Variants in ACMSD observed in about 807,000 individuals in gnomAD.
ACMSD encodes aminocarboxymuconate semialdehyde decarboxylase.
A neutral mutation model predicts 45.9 loss-of-function variants in ACMSD; 37 were observed. The observed-to-expected ratio is 0.81, with a 90% confidence interval of 0.62 to 1.06. The LOEUF is 1.06. Ranked by LOEUF, ACMSD falls within the 50% of genes least tolerant of loss-of-function variation. The pLI, the probability that ACMSD is intolerant of heterozygous loss-of-function variation, is 0.00. For synonymous variants in ACMSD, 138 were observed against 148.8 expected (o/e 0.93, Z 0.53); for missense variants, 434 against 420.9 (o/e 1.03, Z -0.27).
At chr2:134,844,962 T>A (rs1399225130) in intron 1 of ACMSD, among the ~76,000 whole-genome samples, 1 of 152,202 alleles carries the variant, frequency 6.6e-6, no homozygotes, top group Non-Finnish European at 1.5e-5. Context: ...TTTTTTCATG[T>A]TAATCTTTAT....
At chr2:134,841,840 T>A (rs941149536) in intron 1 of ACMSD, among the ~76,000 whole-genome samples, 1 of 152,214 alleles carries the variant, frequency 6.6e-6, no homozygotes, top group South Asian at 2.1e-4. Context: ...CTTCTTTTGT[T>A]AGCAATTGCA....
At chr2:134,866,106 T>G (rs952487625) in intron 5 of ACMSD, among the ~76,000 whole-genome samples, 1 of 152,116 alleles carries the variant, frequency 6.6e-6, no homozygotes, top group Non-Finnish European at 1.5e-5. Context: ...CAACAATATG[T>G]TAATTTGAAC....
intron 3 of ACMSD, among the ~76,000 whole-genome samples, chr2:134,861,464 C>T (rs1687846683): frequency 6.6e-6 from 1 of 152,178 alleles, no homozygotes. Flanking sequence ...CATGTATTAA[C>T]TCATTTAATC....
intron 1 of ACMSD, among the ~76,000 whole-genome samples, chr2:134,842,547 C>A (rs530673285): frequency 6.6e-6 from 1 of 152,238 alleles, no homozygotes; most frequent in African/African-American, 2.4e-5. Context: ...ACGGGTACCA[C>A]CATTGCCACC....
At position 134,840,183 on chromosome 2, in the gene ACMSD, A is replaced by AAAAAAAAAAC. The variant is rs1686729066; in HGVS notation, c.57+1453_57+1454insCAAAAAAAAA. 2.8e-5 allele frequency among the ~76,000 whole-genome samples: 4 copies of AAAAAAAAAAC among 144,024 alleles called. 1 individual carries two copies. The highest frequency in any genetic ancestry group is 7.9e-5 in the African/African-American group (3 of 37,932). The allele number at this position is 144,024 out of a possible 152,430, so 94.5% of individuals were successfully genotyped here. A position where few individuals can be genotyped will look rare whatever the true frequency, so the allele number is the denominator to read the frequency against. ...TATACCTAGCAAAAAAAAAAAAAAA[A>AAAAAAAAAAC]AAAAAAAAAACCACTAATTCCTCTG... On this transcript the variant is annotated intron_variant, in intron 1 of 9. Transcript: ENST00000356140.
intron 8 of ACMSD, among the ~76,000 whole-genome samples, chr2:134,874,869 C>T (rs1688651827): frequency 6.6e-6 from 1 of 152,048 alleles, no homozygotes; most frequent in Non-Finnish European, 1.5e-5. Flanking sequence ...TCTCAATGAT[C>T]ATAATGGGAA....
intron 8 of ACMSD, chr2:134,877,505 C>T (rs918084847): frequency 2.0e-5 from 3 of 152,228 alleles, no homozygotes; most frequent in African/African-American, 7.2e-5. Context: ...GATTTACATT[C>T]AAGGTGGATT....
chr2:134,885,161 A>T (rs559615321), intron 8 of ACMSD, among the ~76,000 whole-genome samples: 27 of 144,404 alleles, frequency 1.9e-4, no homozygotes, highest in Non-Finnish European at 3.7e-4. Context: ...ATGCCACCGC[A>T]CTCCAGCCTG....
intron 8 of ACMSD, among the ~76,000 whole-genome samples, chr2:134,877,157 A>C (rs538869853): frequency 1.9e-4 from 29 of 152,358 alleles, no homozygotes; most frequent in African/African-American, 5.8e-4. Flanking sequence ...AATGCATTGC[A>C]CATAATAATA....
chr2:134,872,844 T>G (rs1195522400), intron 8 of ACMSD: 2 of 568,436 alleles, frequency 3.5e-6, no homozygotes, highest in African/African-American at 3.7e-5. Flanking sequence ...TACATAACAC[T>G]AAGAAACTAT....
At chr2:134,866,807 C>A (rs1228228053) in intron 5 of ACMSD, among the ~76,000 whole-genome samples, 1 of 152,192 alleles carries the variant, frequency 6.6e-6, no homozygotes, top group East Asian at 1.9e-4. Flanking sequence ...AAAGGTCATT[C>A]CATCCAGATG....
chr2:134,877,855 G>A (rs1203052282), intron 8 of ACMSD, among the ~76,000 whole-genome samples: 2 of 152,138 alleles, frequency 1.3e-5, no homozygotes, highest in Non-Finnish European at 2.9e-5. Flanking sequence ...CATTCAAGGG[G>A]AGTAGAATTA....
At chr2:134,861,620 C>A (rs1197781757) in intron 3 of ACMSD, among the ~76,000 whole-genome samples, 1 of 152,146 alleles carries the variant, frequency 6.6e-6, no homozygotes, top group Non-Finnish European at 1.5e-5. Context: ...ATTAAAGGGG[C>A]AGGGAAGGTG....
intron 3 of ACMSD, among the ~76,000 whole-genome samples, chr2:134,860,856 CAAAAAAAAAAA>C (rs60233157): frequency 1.4e-5 from 1 of 72,474 alleles, no homozygotes; most frequent in Admixed American, 1.5e-4. Flanking sequence ...CCTGTCTCCA[CAAAAAAAAAAA>C]AAAAAAAAAA....
chr2:134,893,065 A>AT (rs891756387), intron 8 of ACMSD, among the ~76,000 whole-genome samples: 2 of 151,996 alleles, frequency 1.3e-5, no homozygotes, highest in Admixed American at 6.6e-5. Context: ...AATGCATTTG[A>AT]TTTTTTCTTT....
At chr2:134,881,116 T>G (rs1689013001) in intron 8 of ACMSD, among the ~76,000 whole-genome samples, 1 of 152,240 alleles carries the variant, frequency 6.6e-6, no homozygotes, top group Non-Finnish European at 1.5e-5. Flanking sequence ...CTTGTGCCTC[T>G]CAGCCTCCTG....
At chr2:134,839,987 C>T (rs888695688) in intron 1 of ACMSD, among the ~76,000 whole-genome samples, 21 of 151,850 alleles carry the variant, frequency 1.4e-4, no homozygotes, top group Admixed American at 9.9e-4. Flanking sequence ...CATCTTATGG[C>T]GCCCACCACT....
chr2:134,872,469 G>C lies in ACMSD; in HGVS notation c.677G>C (p.Gly226Ala). 2.5e-6 allele frequency: 4 copies of C among 1,614,114 alleles called. No homozygotes were observed. Among genetic ancestry groups the C allele is most frequent in the Non-Finnish European group, 3.4e-6 (4 of 1,180,016 alleles). ...PKLKVCFAHG[G>A]GAFPFTVGRI... ...CCTCAGTAATGGGTTTTACTTGCAG[G>C]TGGTGCCTTCCCCTTCACAGTGGGA... The change falls in exon 8 of 10, where the codon GGT becomes GCT. Residue 226 changes from glycine (G) to alanine (A), a missense_variant and splice_region_variant. Physicochemically the swap from Gly to Ala is moderately conservative, Grantham distance 60 (BLOSUM62 0). Coordinates refer to ENST00000356140, the MANE Select transcript of ACMSD (RefSeq NM_138326.3).
At chr2:134,839,203 G>GA (rs1308627931) in intron 1 of ACMSD, among the ~76,000 whole-genome samples, 1 of 152,138 alleles carries the variant, frequency 6.6e-6, no homozygotes, top group Non-Finnish European at 1.5e-5. Flanking sequence ...ATAGCTTTGT[G>GA]AATTTTTTTA....
Sources: allele counts gnomAD v4.1 joint callset (sites outside exome capture counted in the v4.1 genomes callset), GRCh38; gene constraint gnomAD v4.1.1; transcripts MANE v1.5; gene names NCBI Gene and HGNC (gene_info 2026-07-23, HGNC 2026-07-21).